The following EXOC2 variants were observed in gnomAD, a reference collection of about 807,000 sequenced individuals.
EXOC2 encodes the protein exocyst complex component 2.
Under a neutral mutation model 131.8 loss-of-function variants are expected in EXOC2, and 70 were observed. The ratio of observed to expected loss-of-function variants is 0.53; its 90% CI spans 0.44 to 0.65. The LOEUF (loss-of-function observed/expected upper bound fraction) is 0.65, where lower values mean the gene tolerates loss of function less well. Among genes scored for constraint, EXOC2 ranks in the 30% least tolerant of loss-of-function variants. The pLI is 0.00. For synonymous variants in EXOC2, 411 were observed against 398.4 expected (o/e 1.03, Z -0.38); for missense variants, 923 against 1,108.6 (o/e 0.83, Z 2.38).
intron 1 of EXOC2, among the ~76,000 whole-genome samples, chr6:675,921 C>T (rs1357349895): frequency 3.6e-5 from 4 of 111,290 alleles, no homozygotes; most frequent in Non-Finnish European, 5.8e-5. Context: ...CTGGAGACTG[C>T]GGTTTCCCAT....
intron 11 of EXOC2, among the ~76,000 whole-genome samples, chr6:588,377 G>T (rs976039696): frequency 6.6e-6 from 1 of 152,194 alleles, no homozygotes; most frequent in Non-Finnish European, 1.5e-5. Flanking sequence ...GAGATGGAGT[G>T]AGTCTCACTC....
rs77053783 is a variant in EXOC2 at position 485,379 on chromosome 6, C to T, written c.*1292G>A. 6.6e-6 allele frequency: 1 copy of T among 152,180 alleles called. No homozygotes were observed. 9.4% of individuals were successfully genotyped at this position (152,180 alleles called of 1,614,324 possible). Reference sequence around the variant, plus strand: ...CCCCCATACACCAAATGAACCAACACATTTATTTATTTTAAATAATGGAAA... The same window carrying T: ...CCCCCATACACCAAATGAACCAACATATTTATTTATTTTAAATAATGGAAA... On this transcript the variant is annotated 3_prime_UTR_variant, in exon 28 of 28. Coordinates refer to ENST00000230449, the MANE Select transcript of EXOC2 (RefSeq NM_018303.6).
chr6:658,660 TATATA>T (rs1374976172), intron 1 of EXOC2, among the ~76,000 whole-genome samples: 1 of 71,274 alleles, frequency 1.4e-5, no homozygotes, highest in Non-Finnish European at 3.1e-5. Context: ...TATATATATA[TATATA>T]TTTTTTTTTT....
intron 1 of EXOC2, among the ~76,000 whole-genome samples, chr6:673,252 C>CAAAAAAAAAAAAAA (rs56189394): frequency 2.5e-3 from 162 of 64,234 alleles, no homozygotes; most frequent in Non-Finnish European, 3.4e-3. Flanking sequence ...ACTCCATAGC[C>CAAAAAAAAAAAAAA]AAAAAAAAAA....
intron 23 of EXOC2, among the ~76,000 whole-genome samples, chr6:517,907 C>T (rs886252548): frequency 6.6e-6 from 1 of 152,124 alleles, no homozygotes; most frequent in African/African-American, 2.4e-5. Context: ...ACAAAAAACC[C>T]GATTTATTCA....
intron 1 of EXOC2, chr6:656,378 C>T (rs774921073): frequency 2.5e-6 from 4 of 1,614,218 alleles, no homozygotes; most frequent in Non-Finnish European, 3.4e-6. Flanking sequence ...TACTCAGGGT[C>T]ATCCTGCCAC....
chr6:547,596 A>G (rs1310779783), intron 22 of EXOC2, among the ~76,000 whole-genome samples: 1 of 152,260 alleles, frequency 6.6e-6, no homozygotes, highest in Non-Finnish European at 1.5e-5. Flanking sequence ...GATGCCAGAA[A>G]TAGACTTTAC....
intron 1 of EXOC2, chr6:679,324 G>C (rs534954987): frequency 2.0e-5 from 3 of 152,268 alleles, no homozygotes; most frequent in African/African-American, 4.8e-5. Context: ...GTTCACAAGA[G>C]AGGAGATGCA....
chr6:489,094 A>G, intron 26 of EXOC2, 56 bp from the exon 27 acceptor site: 3 of 1,549,768 alleles, frequency 1.9e-6, no homozygotes, highest in Non-Finnish European at 2.7e-6. Context: ...AACTGCTGAC[A>G]AATTCTTAAG....
chr6:570,425 G>A (rs9392072), intron 13 of EXOC2, among the ~76,000 whole-genome samples: 12,020 of 152,232 alleles, frequency 0.079, 898 homozygotes, highest in East Asian at 0.38. Context: ...GAGCCACCGC[G>A]CCTGGCCCTA....
intron 1 of EXOC2, among the ~76,000 whole-genome samples, chr6:682,410 C>A (rs1341084529): frequency 6.6e-6 from 1 of 152,006 alleles, no homozygotes; most frequent in African/African-American, 2.4e-5. Flanking sequence ...CTGTGTTAGC[C>A]AGGATGGTCT....
chr6:674,790 G>A (rs1473024246), intron 1 of EXOC2, among the ~76,000 whole-genome samples: 1 of 151,946 alleles, frequency 6.6e-6, no homozygotes, highest in East Asian at 1.9e-4. Flanking sequence ...TGTGGACCAG[G>A]GAAGGGACTG....
intron 11 of EXOC2, among the ~76,000 whole-genome samples, chr6:577,486 TAA>T (rs1340939958): frequency 6.6e-6 from 1 of 152,214 alleles, no homozygotes; most frequent in Non-Finnish European, 1.5e-5. Context: ...ACCGGCAGGA[TAA>T]AGTCTACCCC....
Position 656,574 on chromosome 6 carries a change from C to T in EXOC2, c.-43-18713G>A, listed in dbSNP as rs910384721. 47 of 1,591,292 alleles carry T rather than the reference C, an allele frequency of 3.0e-5. No homozygotes were observed. Among genetic ancestry groups the T allele is most frequent in the East Asian group, 2.2e-4 (10 of 44,586 alleles). ...CAGATCGTGCACCACGCTGCGAGCG[C>T]GGCCCAGGGACGAGACCAGCTCCAC... On this transcript the variant is annotated intron_variant, in intron 1 of 27. Coordinates refer to ENST00000230449, the MANE Select transcript of EXOC2 (RefSeq NM_018303.6).
intron 10 of EXOC2, among the ~76,000 whole-genome samples, chr6:594,884 T>C (rs539467871): frequency 3.3e-5 from 5 of 151,886 alleles, no homozygotes; most frequent in Admixed American, 1.3e-4. Context: ...TTTAGAATGA[T>C]ACATGTTATC....
At position 564,938 on chromosome 6, in the gene EXOC2, T is replaced by A. The variant is rs762356453; in HGVS notation, c.1444-9A>T. ...CCTGACTTCTCAGCAGTCTTAAAAA[T>A]TAAAAAAACAAAATAAAACATATTA... On this transcript the variant is annotated splice_polypyrimidine_tract_variant and intron_variant, in intron 13 of 27. Transcript: ENST00000230449. The A allele has an allele frequency of 6.3e-7, 1 of 1,589,416 alleles. No individual in the cohort carries two copies. The highest frequency in any genetic ancestry group is 8.5e-7 in the Non-Finnish European group (1 of 1,171,104).
At chr6:665,177 A>C (rs1255900233) in intron 1 of EXOC2, among the ~76,000 whole-genome samples, 2 of 152,244 alleles carry the variant, frequency 1.3e-5, no homozygotes, top group African/African-American at 4.8e-5. Flanking sequence ...AAACATATGA[A>C]AAAAATGCTC....
intron 7 of EXOC2, among the ~76,000 whole-genome samples, chr6:604,681 T>G (rs994903831): frequency 8.9e-5 from 13 of 145,944 alleles, no homozygotes; most frequent in Non-Finnish European, 2.0e-4. Flanking sequence ...CTTCCTGGGC[T>G]GCGGCCTATC....
intron 22 of EXOC2, 95 bp from the exon 23 acceptor site, chr6:532,705 A>C (rs1472374372): frequency 2.5e-6 from 3 of 1,190,966 alleles, no homozygotes; most frequent in Non-Finnish European, 3.3e-6. Flanking sequence ...CTATAATAAA[A>C]GCACTTCTCA....
Sources: allele counts gnomAD v4.1 joint callset (sites outside exome capture counted in the v4.1 genomes callset), GRCh38; gene constraint gnomAD v4.1.1; transcripts MANE v1.5; gene names NCBI Gene and HGNC (gene_info 2026-07-23, HGNC 2026-07-21).